Variants in AMPH observed in about 807,000 individuals in gnomAD.
AMPH encodes the protein amphiphysin, also known as amphiphysin (Stiff-Mann syndrome with breast cancer 128kD autoantigen).
Under a neutral mutation model 99.1 loss-of-function variants are expected in AMPH, and 49 were observed. The ratio of observed to expected loss-of-function variants is 0.49; its 90% CI spans 0.39 to 0.63. The LOEUF is 0.63. AMPH is among the 20% of genes least tolerant of loss of function. The pLI, the probability that AMPH is intolerant of heterozygous loss-of-function variation, is 0.00. For missense variants in AMPH, 759 were observed against 863.4 expected (o/e 0.88, Z 1.52); for synonymous variants, 314 against 317.3 (o/e 0.99, Z 0.11).
At chr7:38,405,352 A>G (rs1172382281) in intron 17 of AMPH, among the ~76,000 whole-genome samples, 2 of 152,164 alleles carry the variant, frequency 1.3e-5, no homozygotes, top group African/African-American at 4.8e-5. Context: ...AAAACCTCAC[A>G]TGTCAATATT....
chr7:38,448,489 T>C (rs1363239665), intron 11 of AMPH, among the ~76,000 whole-genome samples: 2 of 152,190 alleles, frequency 1.3e-5, no homozygotes, highest in East Asian at 1.9e-4. Context: ...CAATTAGGCA[T>C]AGTAAGAGAT....
At chr7:38,471,275 T>A (rs1176545840) in intron 7 of AMPH, among the ~76,000 whole-genome samples, 1 of 152,182 alleles carries the variant, frequency 6.6e-6, no homozygotes, top group African/African-American at 2.4e-5. Context: ...GCCTAGAATA[T>A]CCTTTTCACT....
chr7:38,627,811 T>A (rs1407670019), intron 1 of AMPH, among the ~76,000 whole-genome samples: 3 of 152,134 alleles, frequency 2.0e-5, no homozygotes, highest in Non-Finnish European at 4.4e-5. Flanking sequence ...AATCTAAATT[T>A]ATATGTACAA....
intron 1 of AMPH, among the ~76,000 whole-genome samples, chr7:38,620,336 ATGTGTGTGTG>A (rs3056281): frequency 2.1e-4 from 30 of 145,726 alleles, no homozygotes; most frequent in Non-Finnish European, 1.1e-4. Context: ...AGATATATAT[ATGTGTGTGTG>A]TGTGTGTGTG....
chr7:38,564,540 C>T (rs1791661118), intron 1 of AMPH, among the ~76,000 whole-genome samples: 1 of 152,206 alleles, frequency 6.6e-6, no homozygotes, highest in Admixed American at 6.5e-5. Context: ...CCATGGGGAA[C>T]AAGCCATGCC....
intron 12 of AMPH, among the ~76,000 whole-genome samples, chr7:38,434,202 G>A (rs1003510590): frequency 2.0e-5 from 3 of 152,076 alleles, no homozygotes; most frequent in East Asian, 1.9e-4. Context: ...CCGTCACTGC[G>A]GTGATATATG....
Position 38,484,209 on chromosome 7 carries a change from A to G in AMPH, c.396+6841T>C, listed in dbSNP as rs1018102231. ...AATCAGAAAGCTATTGAAAGAAATA[A>G]TGACTGAAAACCTCCCAAAACTGGG... On this transcript the variant is annotated intron_variant, in intron 5 of 20. Coordinates refer to ENST00000356264, the MANE Select transcript of AMPH (RefSeq NM_001635.4). 7.2e-5 allele frequency among the ~76,000 whole-genome samples: 11 copies of G among 152,272 alleles called. No homozygotes were observed. In the East Asian group the frequency reaches 1.9e-3, roughly 27 times the overall value.
intron 1 of AMPH, among the ~76,000 whole-genome samples, chr7:38,612,045 T>A (rs1192433069): frequency 6.6e-6 from 1 of 151,172 alleles, no homozygotes; most frequent in Non-Finnish European, 1.5e-5. Flanking sequence ...TCTAACATTC[T>A]AAGTTCAATA....
chr7:38,528,336 T>A (rs369311915), intron 2 of AMPH, among the ~76,000 whole-genome samples: 2 of 152,308 alleles, frequency 1.3e-5, no homozygotes, highest in South Asian at 4.1e-4. Flanking sequence ...TCTTTAAATG[T>A]TAGAATTATC....
intron 1 of AMPH, among the ~76,000 whole-genome samples, chr7:38,594,561 C>A (rs937977909): frequency 1.3e-5 from 2 of 152,080 alleles, no homozygotes; most frequent in African/African-American, 4.8e-5. Flanking sequence ...TCTGCCAAGG[C>A]TTCATCTGGG....
At chr7:38,499,276 G>A (rs1584171789) in intron 3 of AMPH, among the ~76,000 whole-genome samples, 1 of 152,168 alleles carries the variant, frequency 6.6e-6, no homozygotes, top group Non-Finnish European at 1.5e-5. Flanking sequence ...CTAGAACAGT[G>A]TCAGGTGCAC....
chr7:38,406,715 TCTCTCTCTCCCTTTCC>T (rs1354997250), intron 17 of AMPH, among the ~76,000 whole-genome samples: 1 of 117,428 alleles, frequency 8.5e-6, no homozygotes, highest in African/African-American at 2.9e-5. Context: ...TCTCCTCTCC[TCTCTCTCTCCCTTTCC>T]CTCTCTCTCT....
chr7:38,548,818 C>T (rs1036957799), intron 1 of AMPH, among the ~76,000 whole-genome samples: 3 of 152,182 alleles, frequency 2.0e-5, no homozygotes, highest in Non-Finnish European at 4.4e-5. Context: ...ACTAGGTGTG[C>T]CGTTTGCATA....
chr7:38,495,671 C>T (rs1338406169), intron 3 of AMPH, among the ~76,000 whole-genome samples: 1 of 151,388 alleles, frequency 6.6e-6, no homozygotes, highest in East Asian at 1.9e-4. Context: ...TGAAGATCTG[C>T]TGTATTATTT....
chr7:38,423,272 G>A (rs1258944712), intron 15 of AMPH, among the ~76,000 whole-genome samples: 1 of 152,140 alleles, frequency 6.6e-6, no homozygotes, highest in Non-Finnish European at 1.5e-5. Context: ...AACAAATCAA[G>A]CTGGAGGAAA....
At chr7:38,405,960 T>C (rs1784973707) in intron 17 of AMPH, among the ~76,000 whole-genome samples, 1 of 152,158 alleles carries the variant, frequency 6.6e-6, no homozygotes, top group Non-Finnish European at 1.5e-5. Flanking sequence ...AAATCAACCA[T>C]ATGCTTAGCC....
intron 1 of AMPH, among the ~76,000 whole-genome samples, chr7:38,610,377 G>A (rs6953504): frequency 0.038 from 917 of 23,838 alleles, 148 homozygotes; most frequent in Middle Eastern, 0.069. Context: ...AGAAAAGAAA[G>A]GAAAGGAAAA....
chr7:38,535,197 A>G (rs576080883), intron 1 of AMPH, among the ~76,000 whole-genome samples, 186 bp from the exon 2 acceptor site: 1 of 152,036 alleles, frequency 6.6e-6, no homozygotes, highest in African/African-American at 2.4e-5. Flanking sequence ...AAAAAAAAAA[A>G]ACTGAATCCC....
intron 1 of AMPH, among the ~76,000 whole-genome samples, chr7:38,563,071 G>A (rs535827121): frequency 2.0e-5 from 3 of 152,248 alleles, no homozygotes; most frequent in African/African-American, 7.2e-5. Flanking sequence ...CTAAAGAAAA[G>A]GCATTAGAAA....
Sources: allele counts gnomAD v4.1 joint callset (sites outside exome capture counted in the v4.1 genomes callset), GRCh38; gene constraint gnomAD v4.1.1; transcripts MANE v1.5; gene names NCBI Gene and HGNC (gene_info 2026-07-23, HGNC 2026-07-21).